Variants in SUCLA2 observed in about 807,000 individuals in gnomAD.
SUCLA2 encodes the protein succinate--CoA ligase [ADP-forming] subunit beta, mitochondrial.
A neutral mutation model predicts 54.8 loss-of-function variants in SUCLA2; 30 were observed. The observed-to-expected ratio is 0.55, with a 90% CI of 0.41 to 0.74. The LOEUF is 0.74. SUCLA2 is among the 30% of genes least tolerant of loss of function. The probability of loss-of-function intolerance (pLI) is 0.00; values close to 1 mark genes in which losing one functional copy is unlikely to be tolerated. For synonymous variants in SUCLA2, 172 were observed against 188.9 expected (o/e 0.91, Z 0.74); for missense variants, 476 against 562.9 (o/e 0.85, Z 1.56).
rs573067980 is a variant in SUCLA2, at chr13:47,976,481, G to A, written c.535-3089C>T. Among the ~76,000 whole-genome samples, 35 of 152,308 alleles carry A rather than the reference G, an allele frequency of 2.3e-4. No individual in the cohort carries two copies. In the South Asian group the frequency reaches 6.8e-3, roughly 30 times the overall value. On this transcript the variant is annotated intron_variant, in intron 4 of 10. Coordinates refer to ENST00000646932, the MANE Select transcript of SUCLA2 (RefSeq NM_003850.3). The stretch of plus-strand genomic sequence containing the variant: ...TCCAGCTTCTTGGAGGGCTGTCCAA[G>A]GGACTGTTTCCTGTCTCAACTGATA...
At chr13:47,947,035 C>T (rs1949737459) in intron 10 of SUCLA2, among the ~76,000 whole-genome samples, 1 of 152,022 alleles carries the variant, frequency 6.6e-6, no homozygotes, top group East Asian at 1.9e-4. Context: ...ACCATTTGGC[C>T]CATTCAAGTT....
At chr13:47,954,090 TTA>T in intron 8 of SUCLA2, 48 bp downstream of exon 8, 10 of 1,355,492 alleles carry the variant, frequency 7.4e-6, no homozygotes, top group Non-Finnish European at 9.7e-6. Flanking sequence ...TTATAAGTAT[TTA>T]TTTTATATAT....
chr13:47,995,510 T>C (rs1218967707), intron 2 of SUCLA2, among the ~76,000 whole-genome samples: 1 of 152,080 alleles, frequency 6.6e-6, no homozygotes, highest in East Asian at 1.9e-4. Flanking sequence ...TATATGACAG[T>C]TTTCTGAACT....
At chr13:47,980,311 A>C (rs1383570299) in intron 4 of SUCLA2, among the ~76,000 whole-genome samples, 1 of 152,128 alleles carries the variant, frequency 6.6e-6, no homozygotes, top group Non-Finnish European at 1.5e-5. Flanking sequence ...GCTACTCGGG[A>C]GTCTGAGGCA....
intron 6 of SUCLA2, among the ~76,000 whole-genome samples, chr13:47,964,998 AAGAG>A (rs1949906349): frequency 1.5e-5 from 2 of 129,766 alleles, no homozygotes; most frequent in Admixed American, 1.5e-4. Flanking sequence ...AAAAAAAAAA[AAGAG>A]GCCACAGGAG....
intron 4 of SUCLA2, among the ~76,000 whole-genome samples, chr13:47,984,115 C>A (rs1368017913): frequency 1.3e-5 from 2 of 151,994 alleles, no homozygotes; most frequent in Non-Finnish European, 2.9e-5. Context: ...ACTTTTAAAT[C>A]TTAGTAATAA....
intron 2 of SUCLA2, among the ~76,000 whole-genome samples, chr13:47,991,165 C>G (rs1950146625): frequency 6.6e-6 from 1 of 152,224 alleles, no homozygotes; most frequent in Non-Finnish European, 1.5e-5. Flanking sequence ...AGCAGGCACA[C>G]CATTCCTCTA....
At chr13:47,975,826 G>A (rs1217272230) in intron 4 of SUCLA2, among the ~76,000 whole-genome samples, 2 of 152,190 alleles carry the variant, frequency 1.3e-5, no homozygotes, top group African/African-American at 4.8e-5. Context: ...AGATGACTCA[G>A]GTGGGCAATG....
At chr13:47,963,649 C>G (rs1042872432) in intron 6 of SUCLA2, among the ~76,000 whole-genome samples, 1 of 21,292 alleles carries the variant, frequency 4.7e-5, no homozygotes, top group South Asian at 9.6e-4. Flanking sequence ...TGTCCCAAAA[C>G]AAACAAACAA....
At chr13:47,995,983 T>G (rs1314371240) in intron 2 of SUCLA2, among the ~76,000 whole-genome samples, 1 of 152,156 alleles carries the variant, frequency 6.6e-6, no homozygotes, top group African/African-American at 2.4e-5. Context: ...TACCTAAGTG[T>G]CAGGCATTCT....
chr13:47,948,357 A>ATGCGTGCATGTGTGTG (rs1186349028), intron 10 of SUCLA2, among the ~76,000 whole-genome samples: 1 of 151,990 alleles, frequency 6.6e-6, no homozygotes, highest in East Asian at 1.9e-4. Flanking sequence ...ATACATACAT[A>ATGCGTGCATGTGTGTG]TGCGTGCATG....
intron 6 of SUCLA2, among the ~76,000 whole-genome samples, chr13:47,965,975 GA>G (rs997588405): frequency 1.3e-4 from 20 of 152,212 alleles, no homozygotes; most frequent in African/African-American, 4.8e-4. Flanking sequence ...GAGAACCCGG[GA>G]GGTGGAGCTT....
intron 10 of SUCLA2, chr13:47,945,803 G>T (rs1365668324): frequency 6.6e-6 from 1 of 152,240 alleles, no homozygotes. Context: ...GTTTTAAACT[G>T]TGTGTTGTTC....
intron 8 of SUCLA2, among the ~76,000 whole-genome samples, chr13:47,953,799 G>C: frequency 6.6e-6 from 1 of 151,928 alleles, no homozygotes; most frequent in Non-Finnish European, 1.5e-5. Context: ...CCACACAATA[G>C]ATACACTCCT....
At chr13:47,994,595 A>G (rs868591067) in intron 2 of SUCLA2, among the ~76,000 whole-genome samples, 8 of 151,368 alleles carry the variant, frequency 5.3e-5, no homozygotes, top group Admixed American at 1.3e-4. Flanking sequence ...AAAAACCACG[A>G]AATTGTCCTC....
intron 6 of SUCLA2, among the ~76,000 whole-genome samples, chr13:47,962,028 T>TA (rs1289798636): frequency 2.0e-5 from 3 of 152,240 alleles, no homozygotes; most frequent in African/African-American, 4.8e-5. Context: ...TAAAGATTGC[T>TA]AACCCAATAT....
intron 6 of SUCLA2, among the ~76,000 whole-genome samples, chr13:47,959,668 T>C (rs1417773971): frequency 6.6e-6 from 1 of 152,206 alleles, no homozygotes; most frequent in African/African-American, 2.4e-5. Flanking sequence ...TTTTCCAGTG[T>C]ATAGTCTATC....
Position 47,943,462 on chromosome 13 carries a change from A to T in SUCLA2, c.1318-17T>A. ...CTTTACAACCTAAAAGAAAAGAACG[A>T]AGAATTTTCACAAAAAGGTAAATTC... On this transcript the variant is annotated splice_polypyrimidine_tract_variant and intron_variant, in intron 10 of 10. Coordinates refer to ENST00000646932, the MANE Select transcript of SUCLA2 (RefSeq NM_003850.3). The T allele has an allele frequency of 6.2e-7, 1 of 1,613,232 alleles. No individual in the cohort carries two copies. The highest frequency in any genetic ancestry group is 1.1e-5 in the South Asian group (1 of 91,052).
intron 6 of SUCLA2, among the ~76,000 whole-genome samples, chr13:47,960,127 A>G (rs959371308): frequency 1.2e-4 from 19 of 152,078 alleles, no homozygotes; most frequent in Admixed American, 3.9e-4. Context: ...TAGGGGAAAG[A>G]TTGAGGGCTG....
Sources: allele counts gnomAD v4.1 joint callset (sites outside exome capture counted in the v4.1 genomes callset), GRCh38; gene constraint gnomAD v4.1.1; transcripts MANE v1.5; gene names NCBI Gene and HGNC (gene_info 2026-07-23, HGNC 2026-07-21).